ZNF362: variants seen among roughly 807,000 people sequenced by gnomAD.
ZNF362 encodes the protein zinc finger protein 362.
A neutral mutation model predicts 42.9 loss-of-function variants in ZNF362; 11 were observed. The ratio of observed to expected loss-of-function variants is 0.26; its 90% confidence interval spans 0.16 to 0.42. The LOEUF (loss-of-function observed/expected upper bound fraction) is 0.42, where lower values mean the gene tolerates loss of function less well. Among genes scored for constraint, ZNF362 ranks in the 20% least tolerant of loss-of-function variants. The pLI, the probability that ZNF362 is intolerant of heterozygous loss-of-function variation, is 1.00. For missense variants in ZNF362, 362 were observed against 576.2 expected (o/e 0.63, Z 3.81); for synonymous variants, 255 against 257.3 (o/e 0.99, Z 0.09).
chr1:33,229,025 GT>G, the ZNF362 span, among the ~76,000 whole-genome samples: 1 of 152,096 alleles, frequency 6.6e-6, no homozygotes, highest in Admixed American at 6.5e-5. Context: ...TCTGCAAGGG[GT>G]GGTTTTCCTC....
chr1:33,250,845 GAAAGAAGGAAGAAGAAGAA>G, the ZNF362 span, among the ~76,000 whole-genome samples: 2 of 104,746 alleles, frequency 1.9e-5, no homozygotes, highest in African/African-American at 7.0e-5. Context: ...GAAGAAAGAA[GAAAGAAGGAAGAAGAAGAA>G]GAAGAAGAAG....
the ZNF362 span, among the ~76,000 whole-genome samples, chr1:33,221,806 T>A: frequency 6.6e-6 from 1 of 152,114 alleles, no homozygotes; most frequent in Non-Finnish European, 1.5e-5. Context: ...AGATGGATAA[T>A]CTCACCCAGC....
At chr1:33,153,168 A>G in the ZNF362 span, among the ~76,000 whole-genome samples, 5 of 152,244 alleles carry the variant, frequency 3.3e-5, no homozygotes, top group South Asian at 1.0e-3. Context: ...GCTAGAATCC[A>G]TGGGCTAGGT....
the ZNF362 span, among the ~76,000 whole-genome samples, chr1:33,170,729 A>T: frequency 6.6e-6 from 1 of 152,164 alleles, no homozygotes; most frequent in Non-Finnish European, 1.5e-5. Context: ...CTCCCGCTCC[A>T]ACGTGTCTCC....
chr1:33,197,916 A>G, the ZNF362 span, among the ~76,000 whole-genome samples: 1 of 152,196 alleles, frequency 6.6e-6, no homozygotes. Flanking sequence ...CCACAGTAGA[A>G]AAATCTCATA....
At chr1:33,135,846 C>T in the ZNF362 span, among the ~76,000 whole-genome samples, 1 of 152,144 alleles carries the variant, frequency 6.6e-6, no homozygotes, top group African/African-American at 2.4e-5. Flanking sequence ...TATCTCAGTG[C>T]CTAGCAAGCT....
the ZNF362 span, among the ~76,000 whole-genome samples, chr1:33,168,585 G>A: frequency 1.8e-4 from 28 of 152,198 alleles, no homozygotes; most frequent in South Asian, 1.9e-3. Context: ...TCTTACATGA[G>A]AGAGAAACGC....
At chr1:33,156,851 T>C in the ZNF362 span, among the ~76,000 whole-genome samples, 4 of 152,180 alleles carry the variant, frequency 2.6e-5, no homozygotes, top group African/African-American at 9.7e-5. Context: ...TCGTCTTCTT[T>C]CTTTCACACC....
chr1:33,205,589 G>A, the ZNF362 span, among the ~76,000 whole-genome samples: 2 of 152,092 alleles, frequency 1.3e-5, no homozygotes, highest in South Asian at 4.2e-4. Flanking sequence ...TAAAGCTACA[G>A]TAGTCAAGAT....
the ZNF362 span, among the ~76,000 whole-genome samples, chr1:33,200,942 A>T: frequency 6.6e-6 from 1 of 152,158 alleles, no homozygotes; most frequent in Admixed American, 6.6e-5. Flanking sequence ...GTACAGAGGG[A>T]ATATGATGTG....
intron 1 of ZNF362, among the ~76,000 whole-genome samples, chr1:33,260,175 G>A (rs1645819874): frequency 6.6e-6 from 1 of 152,190 alleles, no homozygotes; most frequent in African/African-American, 2.4e-5. Flanking sequence ...TGAAAGCCCT[G>A]GTCTGCTTTG....
At chr1:33,246,272 A>C in the ZNF362 span, among the ~76,000 whole-genome samples, 1 of 152,126 alleles carries the variant, frequency 6.6e-6, no homozygotes, top group Non-Finnish European at 1.5e-5. Context: ...GGTGGCTGGG[A>C]CCAGGCAGGG....
chr1:33,286,514 TCTC>T (rs1311364960), intron 6 of ZNF362, among the ~76,000 whole-genome samples: 1 of 152,030 alleles, frequency 6.6e-6, no homozygotes, highest in African/African-American at 2.4e-5. Flanking sequence ...CCTCTCTCTC[TCTC>T]TTTTGGACTA....
At chr1:33,166,475 T>G in the ZNF362 span, among the ~76,000 whole-genome samples, 1 of 152,138 alleles carries the variant, frequency 6.6e-6, no homozygotes, top group Non-Finnish European at 1.5e-5. Context: ...CTCCGAGGGC[T>G]ACAGTGGGCT....
At chr1:33,127,549 C>T in the ZNF362 span, among the ~76,000 whole-genome samples, 5 of 152,224 alleles carry the variant, frequency 3.3e-5, no homozygotes, top group Admixed American at 1.3e-4. Flanking sequence ...GCGTGGGAAG[C>T]GGGCGACCTT....
chr1:33,245,804 G>A, the ZNF362 span, among the ~76,000 whole-genome samples: 1 of 152,174 alleles, frequency 6.6e-6, no homozygotes, highest in Non-Finnish European at 1.5e-5. Context: ...GCTGGGTATG[G>A]TGGCATGTGC....
chr1:33,293,632 T>G (rs1646095440), intron 6 of ZNF362, among the ~76,000 whole-genome samples: 1 of 152,222 alleles, frequency 6.6e-6, no homozygotes, highest in African/African-American at 2.4e-5. Context: ...CTTCTGTTCC[T>G]CAACAAATTA....
At chr1:33,226,629 C>T in the ZNF362 span, among the ~76,000 whole-genome samples, 1 of 152,190 alleles carries the variant, frequency 6.6e-6, no homozygotes, top group East Asian at 1.9e-4. Context: ...TTTTGAGAGG[C>T]TGAGGTGGGT....
At chr1:33,203,179 C>T in the ZNF362 span, among the ~76,000 whole-genome samples, 2 of 152,026 alleles carry the variant, frequency 1.3e-5, no homozygotes, top group Admixed American at 1.3e-4. Flanking sequence ...ATCTTTCTGA[C>T]TTTTCTTTTT....
Sources: gnomAD v4.1 joint callset for allele counts (sites outside exome capture counted in the v4.1 genomes callset) on GRCh38, gnomAD v4.1.1 for gene constraint, MANE v1.5 for transcripts, NCBI Gene and HGNC (gene_info 2026-07-23, HGNC 2026-07-21) for gene names.